Variants in LMO7 observed in about 807,000 individuals in gnomAD.
The protein encoded by LMO7 is LIM domain 7, also known as LIM domain only protein 7.
Under a neutral mutation model 206.5 loss-of-function variants are expected in LMO7, and 120 were observed. The observed-to-expected ratio is 0.58, with a 90% CI of 0.50 to 0.68. LMO7 has a LOEUF of 0.68. Ranked by LOEUF, LMO7 falls within the 30% of genes least tolerant of loss-of-function variation. The pLI is 0.00. For missense variants in LMO7, 1,959 were observed against 1,957.9 expected (o/e 1.00, Z -0.01); for synonymous variants, 706 against 681.5 (o/e 1.04, Z -0.56).
chr13:75,798,033 G>T (rs1332526244), intron 6 of LMO7, among the ~76,000 whole-genome samples: 1 of 152,150 alleles, frequency 6.6e-6, no homozygotes, highest in East Asian at 1.9e-4. Context: ...CACAGGGAGA[G>T]CCTTGATTTA....
intron 1 of LMO7, among the ~76,000 whole-genome samples, chr13:75,652,380 T>C (rs963758453): frequency 6.6e-6 from 1 of 152,226 alleles, no homozygotes; most frequent in Non-Finnish European, 1.5e-5. Context: ...GCTTTGCTAC[T>C]TAGTGTCCCT....
intron 30 of LMO7, 33 bp from the exon 31 acceptor site, chr13:75,857,888 G>A (rs375925988): frequency 1.1e-5 from 16 of 1,517,012 alleles, no homozygotes; most frequent in Middle Eastern, 1.7e-4. Context: ...CTGAATCTAA[G>A]CACTTTTCTT....
At chr13:75,669,939 A>G (rs2039405999) in intron 1 of LMO7, among the ~76,000 whole-genome samples, 1 of 152,124 alleles carries the variant, frequency 6.6e-6, no homozygotes. Context: ...GGTGTAGAGA[A>G]CATCTCTGGT....
intron 1 of LMO7, among the ~76,000 whole-genome samples, chr13:75,672,141 C>T (rs757976979): frequency 6.6e-5 from 10 of 152,052 alleles, no homozygotes; most frequent in East Asian, 1.9e-4. Flanking sequence ...TACAGAGAGC[C>T]GGCTGTATGC....
At chr13:75,633,841 CTTTTTTT>C (rs60769000), upstream of LMO7, among the ~76,000 whole-genome samples, 7 of 64,706 alleles carry the variant, frequency 1.1e-4, no homozygotes, top group African/African-American at 1.4e-4. Flanking sequence ...GTGTCTTTTC[CTTTTTTT>C]TTTTTTTTTT....
intron 15 of LMO7, among the ~76,000 whole-genome samples, chr13:75,830,866 C>A (rs2058595419): frequency 6.6e-6 from 1 of 152,178 alleles, no homozygotes; most frequent in Non-Finnish European, 1.5e-5. Context: ...TTTATTAAGA[C>A]TCCATCCTGT....
At chr13:75,657,959 C>A (rs1049894853) in intron 1 of LMO7, among the ~76,000 whole-genome samples, 4 of 151,948 alleles carry the variant, frequency 2.6e-5, no homozygotes, top group African/African-American at 9.7e-5. Context: ...CCTTCTGATG[C>A]CTTTGTAATT....
intron 1 of LMO7, among the ~76,000 whole-genome samples, chr13:75,645,454 G>A (rs533753776): frequency 4.6e-5 from 7 of 152,140 alleles, no homozygotes; most frequent in Admixed American, 3.3e-4. Context: ...TTGAGGCTGC[G>A]GTGAGCTATG....
intron 2 of LMO7, among the ~76,000 whole-genome samples, chr13:75,716,811 G>C (rs964731367): frequency 4.6e-5 from 7 of 151,654 alleles, no homozygotes; most frequent in African/African-American, 1.7e-4. Flanking sequence ...ATTTGGTTGA[G>C]ACATAAACAG....
intron 4 of LMO7, among the ~76,000 whole-genome samples, chr13:75,776,182 T>TATCGG (rs1566433909): frequency 2.6e-5 from 2 of 78,392 alleles, no homozygotes; most frequent in Admixed American, 1.2e-4. Flanking sequence ...TATATATATA[T>TATCGG]ATATATATAT....
chr13:75,735,494 A>C (rs1234370112), intron 3 of LMO7, among the ~76,000 whole-genome samples: 1 of 152,030 alleles, frequency 6.6e-6, no homozygotes, highest in Non-Finnish European at 1.5e-5. Flanking sequence ...ATGGAGTCTC[A>C]CTCTGTCGCT....
chr13:75,631,119 C>T (rs1429964979), intron 2 of LMO7, among the ~76,000 whole-genome samples: 3 of 152,086 alleles, frequency 2.0e-5, no homozygotes, highest in Admixed American at 1.3e-4. Flanking sequence ...CTCTGCTTTC[C>T]GGGTTCAAGC....
At position 75,833,162 on chromosome 13, in the gene LMO7, G is replaced by A. The variant is rs1276083330; in HGVS notation, c.3061G>A (p.Ala1021Thr). Reference sequence around the variant, plus strand: ...TGGGATCTTCGTAGCATCAGTTGAAGCAGGTAAATTATGTGTTTAGCTCTA... The same window carrying A: ...TGGGATCTTCGTAGCATCAGTTGAAACAGGTAAATTATGTGTTTAGCTCTA... ...IPGIFVASVEAGSPAEFSQLQ... is the reference protein window; with the variant it reads ...IPGIFVASVETGSPAEFSQLQ... The change falls in exon 16 of 31, where the codon GCA (alanine) becomes ACA (threonine). Residue 1021 changes from alanine (A) to threonine (T), a missense_variant. Coordinates refer to ENST00000377534, the MANE Select transcript of LMO7 (RefSeq NM_001306080.2). 5 of 1,548,378 alleles carry A rather than the reference G, an allele frequency of 3.2e-6. No individual in the cohort carries two copies. In the African/African-American group the frequency reaches 5.4e-5, roughly 17 times the overall value.
Position 75,833,135 on chromosome 13 carries a change from C to T in LMO7, c.3034C>T (p.Pro1012Ser), listed in dbSNP as rs1270927996. Reference sequence around the variant, plus strand: ...TGGGTTTACAATAAAATGGGATATTCCTGGGATCTTCGTAGCATCAGTTGA... The same window carrying T: ...TGGGTTTACAATAAAATGGGATATTTCTGGGATCTTCGTAGCATCAGTTGA... ...DFGFTIKWDI[P>S]GIFVASVEAG... The change falls in exon 16 of 31, where the codon CCT (proline) becomes TCT (serine). Residue 1012 changes from proline (P) to serine (S), a missense_variant. Physicochemically the swap from Pro to Ser is moderately conservative, Grantham distance 74. Transcript: ENST00000377534. The T allele has an allele frequency of 1.2e-6, 2 of 1,605,212 alleles. No homozygotes were observed. The highest frequency in any genetic ancestry group is 1.3e-5 in the African/African-American group (1 of 74,686).
intron 3 of LMO7, among the ~76,000 whole-genome samples, chr13:75,753,542 A>G (rs1225630332): frequency 3.3e-5 from 5 of 152,114 alleles, no homozygotes; most frequent in East Asian, 3.9e-4. Flanking sequence ...TGTAGTTCCC[A>G]TAATCCCCAG....
intron 1 of LMO7, among the ~76,000 whole-genome samples, chr13:75,655,268 C>T (rs2037945699): frequency 6.6e-6 from 1 of 152,182 alleles, no homozygotes; most frequent in South Asian, 2.1e-4. Flanking sequence ...GATTGCGGAG[C>T]TTGTCCCTCT....
At chr13:75,761,185 T>G in intron 4 of LMO7, 147 bp downstream of exon 4, 1 of 584,424 alleles carries the variant, frequency 1.7e-6, no homozygotes, top group African/African-American at 1.9e-5. Context: ...TAAAAGAGAC[T>G]GTTTTAAAAA....
In LMO7 at chr13:75,732,611, T is replaced by G. The variant is rs1296084900; in HGVS notation, c.210+5513T>G. Reference sequence around the variant, plus strand: ...CGGAGTAGTTTGATTGTCTGAAGCCTTCTTCTCTCAACTCGTCAAAGTCAT... The same window carrying G: ...CGGAGTAGTTTGATTGTCTGAAGCCGTCTTCTCTCAACTCGTCAAAGTCAT... On this transcript the variant is annotated intron_variant, in intron 3 of 30. Coordinates refer to ENST00000377534, the MANE Select transcript of LMO7 (RefSeq NM_001306080.2). 2.6e-5 allele frequency among the ~76,000 whole-genome samples: 4 copies of G among 152,236 alleles called. No individual in the cohort carries two copies. In the East Asian group the frequency reaches 7.7e-4, roughly 29 times the overall value.
At chr13:75,660,490 T>G (rs1177647735) in intron 1 of LMO7, among the ~76,000 whole-genome samples, 1 of 152,184 alleles carries the variant, frequency 6.6e-6, no homozygotes, top group Admixed American at 6.5e-5. Context: ...TAAATCCTCC[T>G]TCTTGTTTCT....
Sources: allele counts gnomAD v4.1 joint callset (sites outside exome capture counted in the v4.1 genomes callset), GRCh38; gene constraint gnomAD v4.1.1; transcripts MANE v1.5; gene names NCBI Gene and HGNC (gene_info 2026-07-23, HGNC 2026-07-21).